Variants in LRCH2 observed in about 807,000 individuals in gnomAD.
LRCH2 encodes the protein leucine rich repeats and calponin homology domain containing 2, also known as leucine-rich repeat and calponin homology domain-containing protein 2.
A neutral mutation model predicts 68.9 loss-of-function variants in LRCH2; 38 were observed. That is an observed-to-expected ratio of 0.55 (90% CI 0.43 to 0.72). The LOEUF (loss-of-function observed/expected upper bound fraction) is 0.72, where lower values mean the gene tolerates loss of function less well. Ranked by LOEUF, LRCH2 falls within the 30% of genes least tolerant of loss-of-function variation. LRCH2 has a pLI of 0.00. For missense variants in LRCH2, 528 were observed against 572.9 expected (o/e 0.92, Z 0.80); for synonymous variants, 191 against 208.1 (o/e 0.92, Z 0.71).
At chrX:115,176,857 G>A (rs782579532) in intron 5 of LRCH2, among the ~76,000 whole-genome samples, 89 of 104,196 alleles carry the variant, frequency 8.5e-4, no homozygotes, top group African/African-American at 3.0e-3. Context: ...AGCGATTCTC[G>A]TGCCTCAGCC....
chrX:115,201,103 T>C (rs2072926951), intron 1 of LRCH2, among the ~76,000 whole-genome samples: 1 of 111,257 alleles, frequency 9.0e-6, no homozygotes, highest in Non-Finnish European at 1.9e-5. Flanking sequence ...ACATCTTACA[T>C]GAATGGTGGC....
At chrX:115,231,463 T>G (rs1193801982) in intron 1 of LRCH2, among the ~76,000 whole-genome samples, 4 of 111,687 alleles carry the variant, frequency 3.6e-5, no homozygotes, top group African/African-American at 9.8e-5. Flanking sequence ...TGGCTAAATT[T>G]TATCAAAAAC....
intron 20 of LRCH2, among the ~76,000 whole-genome samples, chrX:115,118,787 G>A (rs1187555693): frequency 2.0e-3 from 218 of 110,369 alleles, no homozygotes; most frequent in African/African-American, 6.7e-3. Flanking sequence ...CTGGCAAACT[G>A]AATCCAGCAG....
At chrX:115,174,600 C>G (rs971665940) in intron 5 of LRCH2, among the ~76,000 whole-genome samples, 1 of 87,218 alleles carries the variant, frequency 1.1e-5, no homozygotes, top group South Asian at 5.4e-4. Flanking sequence ...CACCCCCCCC[C>G]CCACACACAC....
At chrX:115,197,887 C>T (rs1401364170) in intron 1 of LRCH2, among the ~76,000 whole-genome samples, 5 of 58,890 alleles carry the variant, frequency 8.5e-5, no homozygotes, top group Non-Finnish European at 1.6e-4. Context: ...ACACACATTC[C>T]GAAACTAAAG....
intron 20 of LRCH2, among the ~76,000 whole-genome samples, chrX:115,116,744 C>G (rs1181880442): frequency 9.0e-6 from 1 of 111,017 alleles, no homozygotes; most frequent in Non-Finnish European, 1.9e-5. Flanking sequence ...AAGAGAACTT[C>G]AATCCATACT....
chrX:115,203,571 G>A (rs923704599), intron 1 of LRCH2, among the ~76,000 whole-genome samples: 2 of 112,518 alleles, frequency 1.8e-5, no homozygotes, highest in Non-Finnish European at 3.8e-5. Context: ...AAATACACAC[G>A]TTCCAAATGG....
intron 14 of LRCH2, among the ~76,000 whole-genome samples, chrX:115,133,942 G>A: frequency 8.9e-6 from 1 of 112,384 alleles, no homozygotes; most frequent in Middle Eastern, 4.2e-3. Flanking sequence ...AGAAAGCAGA[G>A]ATAGGGTGAA....
At chrX:115,228,204 CT>C (rs2073131476) in intron 1 of LRCH2, among the ~76,000 whole-genome samples, 1 of 111,580 alleles carries the variant, frequency 9.0e-6, no homozygotes, top group South Asian at 3.7e-4. Flanking sequence ...ATACAGTTTT[CT>C]TTAATTACAT....
chrX:115,122,056 T>C (rs1378445772), intron 20 of LRCH2, among the ~76,000 whole-genome samples: 1 of 111,179 alleles, frequency 9.0e-6, no homozygotes, highest in East Asian at 2.8e-4. Flanking sequence ...AATTTCAAAG[T>C]TTGTCCAATA....
rs782158121 is a variant in LRCH2 at position 115,170,280 on chromosome X, T to A, written c.998+19A>T. On this transcript the variant is annotated intron_variant, in intron 6 of 20. Transcript: ENST00000317135. The stretch of plus-strand genomic sequence containing the variant: ...GAAGACAGCAATCATCAAATGAAAC[T>A]GTAAGAATGTTACATTACCTGTCTG... 24 of 1,141,422 alleles carry A rather than the reference T, an allele frequency of 2.1e-5. No homozygotes were observed. Among genetic ancestry groups the A allele is most frequent in the Admixed American group, 3.1e-5 (1 of 31,762 alleles). The allele number at this position is 1,141,422 out of a possible 1,213,427, so 94.1% of individuals were successfully genotyped here. A position where few individuals can be genotyped will look rare whatever the true frequency, so the allele number is the denominator to read the frequency against.
At chrX:115,160,381 C>G (rs1453678438) in intron 11 of LRCH2, among the ~76,000 whole-genome samples, 3 of 111,705 alleles carry the variant, frequency 2.7e-5, no homozygotes, top group African/African-American at 9.7e-5. Flanking sequence ...AGTGGCAAAA[C>G]TGCCATAAGG....
intron 20 of LRCH2, among the ~76,000 whole-genome samples, chrX:115,114,485 G>C (rs1442849489): frequency 1.8e-5 from 2 of 110,228 alleles, no homozygotes; most frequent in African/African-American, 3.3e-5. Flanking sequence ...CAAATAATGA[G>C]AATGAGAGAG....
At chrX:115,153,395 G>A (rs1361271726) in intron 12 of LRCH2, among the ~76,000 whole-genome samples, 1 of 110,906 alleles carries the variant, frequency 9.0e-6, no homozygotes, top group Non-Finnish European at 1.9e-5. Context: ...CAGACCAGTA[G>A]TAAAATTATG....
At chrX:115,138,581 C>T (rs1206123621) in intron 14 of LRCH2, among the ~76,000 whole-genome samples, 1 of 110,940 alleles carries the variant, frequency 9.0e-6, no homozygotes, top group East Asian at 2.8e-4. Flanking sequence ...GAGGTTTGAG[C>T]ATATTTATAA....
At chrX:115,196,802 C>G (rs2072890639) in intron 1 of LRCH2, among the ~76,000 whole-genome samples, 1 of 111,171 alleles carries the variant, frequency 9.0e-6, no homozygotes, top group Admixed American at 9.5e-5. Context: ...GCTTATCTGC[C>G]TGGTATACTG....
chrX:115,196,580 G>A (rs1160829367), intron 1 of LRCH2, among the ~76,000 whole-genome samples: 2 of 111,310 alleles, frequency 1.8e-5, no homozygotes, highest in Non-Finnish European at 3.8e-5. Context: ...GAGCACCAAG[G>A]GGACAGAGAC....
At chrX:115,127,368 A>C (rs1192239383) in intron 15 of LRCH2, among the ~76,000 whole-genome samples, 1 of 111,919 alleles carries the variant, frequency 8.9e-6, no homozygotes, top group African/African-American at 3.2e-5. Context: ...TTAAATGACT[A>C]TTCTACTGCC....
intron 1 of LRCH2, among the ~76,000 whole-genome samples, chrX:115,232,802 A>G (rs2073161552): frequency 8.9e-6 from 1 of 111,948 alleles, no homozygotes; most frequent in Non-Finnish European, 1.9e-5. Flanking sequence ...AAATCAAGAC[A>G]TATCTAAAAT....
Sources: allele counts gnomAD v4.1 joint callset (sites outside exome capture counted in the v4.1 genomes callset), GRCh38; gene constraint gnomAD v4.1.1; transcripts MANE v1.5; gene names NCBI Gene and HGNC (gene_info 2026-07-23, HGNC 2026-07-21).